The following MGAT4C variants were observed in gnomAD, a reference collection of about 807,000 sequenced individuals.
MGAT4C encodes the protein alpha-1,3-mannosyl-glycoprotein 4-beta-N-acetylglucosaminyltransferase C.
MGAT4C carries 19 observed loss-of-function variants against 40.1 expected under a neutral mutation model. That is an observed-to-expected ratio of 0.47 (90% CI 0.33 to 0.70). The LOEUF (loss-of-function observed/expected upper bound fraction) is 0.70. MGAT4C is among the 30% of genes least tolerant of loss of function. The pLI is 0.02. For missense variants in MGAT4C, 491 were observed against 563.2 expected, an observed-to-expected ratio of 0.87 and a Z score of 1.30; for synonymous variants, 181 against 187.1, an observed-to-expected ratio of 0.97 and a Z score of 0.27.
chr12:86,406,232 A>G (rs1370940888), intron 3 of MGAT4C, among the ~76,000 whole-genome samples: 1 of 151,368 alleles, frequency 6.6e-6, no homozygotes, highest in African/African-American at 2.4e-5. Context: ...GATACAAATA[A>G]AAAATTGATA....
At chr12:86,591,070 A>G (rs77576510) in intron 2 of MGAT4C, among the ~76,000 whole-genome samples, 1,857 of 152,104 alleles carry the variant, frequency 0.012, 21 homozygotes, top group Middle Eastern at 0.041. Flanking sequence ...TAATCCTTTC[A>G]AAATAGGGAT....
chr12:86,827,348 CAACA>C (rs1952827667), intron 1 of MGAT4C, among the ~76,000 whole-genome samples: 2 of 151,458 alleles, frequency 1.3e-5, no homozygotes, highest in South Asian at 2.1e-4. Context: ...AGTATTCTCT[CAACA>C]AACAAAGTAG....
rs187760805 is a variant in MGAT4C at position 85,960,593 on chromosome 12, T to A, written c.*18696A>T. On this transcript the variant is annotated 3_prime_UTR_variant, in exon 5 of 5. Coordinates refer to ENST00000611864, the MANE Select transcript of MGAT4C (RefSeq NM_001351288.2). Reference sequence around the variant, plus strand: ...AATTTGGATCATGATTATTGGCCTGTGTCCCACCCATTATTCACATATAGA... The same window carrying A: ...AATTTGGATCATGATTATTGGCCTGAGTCCCACCCATTATTCACATATAGA... 6.6e-6 allele frequency: 1 copy of A among 152,156 alleles called. No homozygotes were observed. Among genetic ancestry groups the A allele is most frequent in the Admixed American group, 6.6e-5 (1 of 15,266 alleles). The allele number at this position is 152,156 out of a possible 1,614,324, so 9.4% of individuals were successfully genotyped here. A position where few individuals can be genotyped will look rare whatever the true frequency, so the allele number is the denominator to read the frequency against.
chr12:86,542,573 C>G (rs971294914), intron 2 of MGAT4C, among the ~76,000 whole-genome samples: 3 of 152,134 alleles, frequency 2.0e-5, no homozygotes, highest in African/African-American at 7.2e-5. Flanking sequence ...TAATACATAT[C>G]TTTTCCTCTC....
intron 4 of MGAT4C, among the ~76,000 whole-genome samples, chr12:86,284,134 C>T (rs940453655): frequency 3.3e-5 from 5 of 151,982 alleles, no homozygotes; most frequent in African/African-American, 9.7e-5. Flanking sequence ...CATGCAAATA[C>T]ACTATCCAGG....
chr12:86,791,382 C>T (rs1952017385), intron 1 of MGAT4C, among the ~76,000 whole-genome samples: 1 of 150,528 alleles, frequency 6.6e-6, no homozygotes, highest in African/African-American at 2.4e-5. Flanking sequence ...TGAGCATTTA[C>T]ACGGAAGAAA....
intron 3 of MGAT4C, among the ~76,000 whole-genome samples, chr12:86,369,347 A>T (rs1202617522): frequency 1.3e-5 from 2 of 151,868 alleles, no homozygotes; most frequent in Non-Finnish European, 2.9e-5. Context: ...TAATTATGGA[A>T]CTGTAAGAAC....
chr12:86,766,880 G>T (rs1173303272), intron 1 of MGAT4C, among the ~76,000 whole-genome samples: 1 of 151,580 alleles, frequency 6.6e-6, no homozygotes, highest in East Asian at 1.9e-4. Context: ...TGTGTAGAGG[G>T]AAATTTATAG....
At chr12:86,382,268 T>C (rs532361958) in intron 3 of MGAT4C, among the ~76,000 whole-genome samples, 4 of 152,340 alleles carry the variant, frequency 2.6e-5, no homozygotes, top group Admixed American at 6.5e-5. Flanking sequence ...ATTCCTGTTA[T>C]ATTTTAGCAA....
chr12:86,112,200 C>T (rs1416132137), intron 1 of MGAT4C, among the ~76,000 whole-genome samples: 2 of 151,670 alleles, frequency 1.3e-5, no homozygotes, highest in Admixed American at 6.6e-5. Context: ...CAACATTTAG[C>T]TCTCTGTAGA....
intron 1 of MGAT4C, among the ~76,000 whole-genome samples, chr12:86,051,142 G>A (rs1892852781): frequency 1.3e-5 from 2 of 151,956 alleles, no homozygotes. Flanking sequence ...CATTAGAGGT[G>A]ATCACCAGAT....
chr12:86,243,685 C>T (rs568399678), intron 1 of MGAT4C, among the ~76,000 whole-genome samples: 4 of 152,070 alleles, frequency 2.6e-5, no homozygotes, highest in Non-Finnish European at 5.9e-5. Context: ...GGACTTCCAT[C>T]CTACAGCTGC....
chr12:86,752,729 G>C (rs920330131), intron 1 of MGAT4C, among the ~76,000 whole-genome samples: 6 of 152,058 alleles, frequency 3.9e-5, no homozygotes, highest in Non-Finnish European at 7.4e-5. Context: ...TAACAGAATA[G>C]AAAGTCCAGA....
chr12:86,069,984 G>T (rs1894923511), intron 1 of MGAT4C, among the ~76,000 whole-genome samples: 1 of 151,966 alleles, frequency 6.6e-6, no homozygotes, highest in African/African-American at 2.4e-5. Context: ...GGCCCTTCTT[G>T]ACCTGGTGCC....
At chr12:86,553,967 C>A (rs1565845186) in intron 2 of MGAT4C, among the ~76,000 whole-genome samples, 1 of 152,108 alleles carries the variant, frequency 6.6e-6, no homozygotes, top group Non-Finnish European at 1.5e-5. Context: ...TCTCTTCCTT[C>A]CATTTCATCA....
chr12:86,719,254 C>T (rs896850152), intron 2 of MGAT4C, among the ~76,000 whole-genome samples: 1 of 152,158 alleles, frequency 6.6e-6, no homozygotes, highest in Non-Finnish European at 1.5e-5. Context: ...ATTGTAATAT[C>T]ACACTCAGGT....
chr12:86,341,217 A>G (rs1954898596), intron 3 of MGAT4C, among the ~76,000 whole-genome samples: 1 of 152,122 alleles, frequency 6.6e-6, no homozygotes, highest in African/African-American at 2.4e-5. Flanking sequence ...CAGCCCAGGG[A>G]AGCCATAAAT....
rs572131509 is a variant in MGAT4C at position 86,162,080 on chromosome 12, G to T, written c.-57+94159C>A. On this transcript the variant is annotated intron_variant, in intron 1 of 4. Transcript: ENST00000611864. ...AAATTGGTCCTGCCACTGGAAAGCA[G>T]TCTGGAGATTTCACAAATAACTTAA... Among the ~76,000 whole-genome samples the T allele has an allele frequency of 4.6e-5, 7 of 152,286 alleles. 1 individual carries two copies. Among genetic ancestry groups the T allele is most frequent in the Admixed American group, 3.9e-4 (6 of 15,292 alleles).
chr12:86,385,920 T>G (rs1003064601), intron 3 of MGAT4C, among the ~76,000 whole-genome samples: 11 of 152,132 alleles, frequency 7.2e-5, no homozygotes, highest in African/African-American at 2.7e-4. Flanking sequence ...CAGTAATTAT[T>G]TTTTATTTTT....
Sources: allele counts gnomAD v4.1 joint callset (sites outside exome capture counted in the v4.1 genomes callset), GRCh38; gene constraint gnomAD v4.1.1; transcripts MANE v1.5; gene names NCBI Gene and HGNC (gene_info 2026-07-23, HGNC 2026-07-21).